Variants in RAD51B observed in about 807,000 individuals in gnomAD.
RAD51B encodes the protein DNA repair protein RAD51 homolog 2.
In RAD51B, 38 loss-of-function variants were observed where a neutral mutation model predicts 42.2. The observed-to-expected ratio is 0.90, with a 90% CI of 0.70 to 1.18. The LOEUF is 1.18. RAD51B is among the 50% of genes most tolerant of loss of function. The probability of loss-of-function intolerance (pLI) is 0.00; values close to 1 mark genes in which losing one functional copy is unlikely to be tolerated. For synonymous variants in RAD51B, 154 were observed against 145.2 expected (o/e 1.06, Z -0.43); for missense variants, 373 against 400.7 (o/e 0.93, Z 0.59).
rs185818598 is a variant in RAD51B at position 68,188,177 on chromosome 14, G to A, written c.757-103707G>A. Among the ~76,000 whole-genome samples the A allele has an allele frequency of 3.3e-5, 5 of 152,040 alleles. 1 individual carries two copies. In the East Asian group the frequency reaches 9.6e-4, roughly 29 times the overall value. ...TCTTAATTTTTCATATTCTTTCAGA[G>A]TCATTTAGTCCGTGATTTCAGTGGT... On this transcript the variant is annotated intron_variant, in intron 7 of 10. Coordinates refer to ENST00000471583, the MANE Select transcript of RAD51B (RefSeq NM_133510.4).
At chr14:68,433,440 TC>T (rs2085065156) in intron 9 of RAD51B, among the ~76,000 whole-genome samples, 1 of 152,190 alleles carries the variant, frequency 6.6e-6, no homozygotes. Flanking sequence ...GAGGCTTTGT[TC>T]ATTTCTTTTT....
intron 7 of RAD51B, among the ~76,000 whole-genome samples, chr14:68,270,796 G>C (rs1052940981): frequency 6.6e-6 from 1 of 152,152 alleles, no homozygotes; most frequent in African/African-American, 2.4e-5. Flanking sequence ...TTTTATGGCA[G>C]ATGAGCTATG....
rs142488573 is a variant in RAD51B, at chr14:68,477,825, C to T, written c.*161C>T. On this transcript the variant is annotated 3_prime_UTR_variant, in exon 11 of 11. Transcript: ENST00000471583. ...ATTTGCTCCTAAACCATTGAGCTAG[C>T]GATTTCAGACCTAGCAGGGAAGGTG... is the stretch of plus-strand genomic sequence containing the variant. 1,167 of 1,449,310 alleles carry T rather than the reference C, an allele frequency of 8.1e-4. 10 individuals are homozygous for T. The African/African-American group carries it at 0.015, about 18-fold the overall frequency. 89.8% of individuals were successfully genotyped at this position (1,449,310 alleles called of 1,614,324 possible). A position where few individuals can be genotyped will look rare whatever the true frequency, so the allele number is the denominator to read the frequency against.
chr14:67,996,364 C>G (rs1397308967), intron 7 of RAD51B, among the ~76,000 whole-genome samples: 1 of 151,506 alleles, frequency 6.6e-6, no homozygotes, highest in Non-Finnish European at 1.5e-5. Context: ...ACACTGCACT[C>G]CAGCCTGTGT....
rs191471379 is a variant in RAD51B at position 68,399,978 on chromosome 14, A to G, written c.854-11446A>G. 5.9e-3 allele frequency among the ~76,000 whole-genome samples: 892 copies of G among 152,354 alleles called. 3 individuals are homozygous for G. Among genetic ancestry groups the G allele is most frequent in the Non-Finnish European group, 9.3e-3 (633 of 68,032 alleles). On this transcript the variant is annotated intron_variant, in intron 8 of 10. Transcript: ENST00000471583. ...CCCAGAAAAATTTTTCTTCAAGAAC[A>G]TATTTCCTAATAAACAAATCATATT... is the stretch of plus-strand genomic sequence containing the variant.
At chr14:68,264,250 G>A (rs1172177278) in intron 7 of RAD51B, among the ~76,000 whole-genome samples, 4 of 152,200 alleles carry the variant, frequency 2.6e-5, no homozygotes, top group Admixed American at 2.6e-4. Context: ...TGTCATGTTG[G>A]TCAACATGCC....
chr14:68,332,635 G>T (rs2139807318), intron 8 of RAD51B, among the ~76,000 whole-genome samples: 1 of 152,260 alleles, frequency 6.6e-6, no homozygotes, highest in South Asian at 2.1e-4. Flanking sequence ...CAGAAGAGAA[G>T]ATTTTGCATC....
At chr14:68,320,864 G>T (rs911501634) in intron 8 of RAD51B, among the ~76,000 whole-genome samples, 8 of 152,272 alleles carry the variant, frequency 5.3e-5, no homozygotes, top group African/African-American at 1.9e-4. Context: ...TACACTGTGG[G>T]CTATGGACCC....
intron 8 of RAD51B, among the ~76,000 whole-genome samples, chr14:68,401,439 G>A (rs1056712359): frequency 3.9e-5 from 6 of 152,228 alleles, no homozygotes; most frequent in African/African-American, 4.8e-5. Context: ...GCTCACCCCC[G>A]CTTCTCCCCT....
intron 7 of RAD51B, among the ~76,000 whole-genome samples, chr14:68,009,275 A>G (rs1337900910): frequency 1.3e-5 from 2 of 151,898 alleles, no homozygotes; most frequent in African/African-American, 4.8e-5. Flanking sequence ...AGAGGGAGAG[A>G]ATGGCATAGT....
exon 11 of RAD51B, chr14:68,594,523 T>C (rs1420644609): frequency 7.4e-7 from 1 of 1,358,770 alleles, no homozygotes; most frequent in African/African-American, 1.5e-5. Context: ...TGAACTGAAC[T>C]GGGCTCCAGA....
chr14:68,594,521 A>G (rs1190287183), exon 11 of RAD51B: 1 of 1,359,090 alleles, frequency 7.4e-7, no homozygotes, highest in Non-Finnish European at 9.7e-7. Context: ...GCTGAACTGA[A>G]CTGGGCTCCA....
chr14:68,000,651 T>C (rs774703969), intron 7 of RAD51B, among the ~76,000 whole-genome samples: 63 of 152,182 alleles, frequency 4.1e-4, no homozygotes, highest in Non-Finnish European at 6.0e-4. Context: ...GTAACTTTTA[T>C]CTGACCTTTA....
intron 7 of RAD51B, among the ~76,000 whole-genome samples, chr14:68,286,089 T>C (rs1032550493): frequency 6.6e-6 from 1 of 152,206 alleles, no homozygotes; most frequent in African/African-American, 2.4e-5. Context: ...CTTTTATAGG[T>C]GGAATTCTCT....
chr14:68,059,092 C>T (rs1285545369), intron 7 of RAD51B, among the ~76,000 whole-genome samples: 2 of 152,138 alleles, frequency 1.3e-5, no homozygotes, highest in African/African-American at 2.4e-5. Flanking sequence ...AGCTTAAGCC[C>T]CCAAATCAGT....
At chr14:68,132,110 AC>A (rs2140681576) in intron 7 of RAD51B, among the ~76,000 whole-genome samples, 1 of 152,208 alleles carries the variant, frequency 6.6e-6, no homozygotes, top group African/African-American at 2.4e-5. Context: ...AAGTTATCAC[AC>A]TCCAGCAACT....
At chr14:68,563,232 A>C in intron 10 of RAD51B, 1 of 985,418 alleles carries the variant, frequency 1.0e-6, no homozygotes, top group Non-Finnish European at 1.2e-6. Context: ...TCTCATTGCC[A>C]CATCATTACC....
intron 11 of RAD51B, among the ~76,000 whole-genome samples, chr14:68,652,258 G>A (rs929941284): frequency 6.6e-5 from 10 of 152,322 alleles, no homozygotes; most frequent in African/African-American, 1.4e-4. Context: ...ACGCAGCCCC[G>A]ATATTCTCCT....
At chr14:68,362,897 CCTT>C (rs2083060887) in intron 8 of RAD51B, among the ~76,000 whole-genome samples, 1 of 151,840 alleles carries the variant, frequency 6.6e-6, no homozygotes, top group South Asian at 2.1e-4. Context: ...GTTGTTAGCT[CCTT>C]CTCACTTTTA....
Sources: gnomAD v4.1 joint callset for allele counts (sites outside exome capture counted in the v4.1 genomes callset) on GRCh38, gnomAD v4.1.1 for gene constraint, MANE v1.5 for transcripts, NCBI Gene and HGNC (gene_info 2026-07-23, HGNC 2026-07-21) for gene names.